Variants in WDR72 observed in about 807,000 individuals in gnomAD.
WDR72 encodes WD repeat domain 72, also known as WD repeat-containing protein 72.
In WDR72, 120 loss-of-function variants were observed where a neutral mutation model predicts 124.2. That is an observed-to-expected ratio of 0.97 (90% CI 0.83 to 1.12). The LOEUF (loss-of-function observed/expected upper bound fraction) is 1.12. WDR72 is among the 50% of genes most tolerant of loss of function. The pLI, the probability that WDR72 is intolerant of heterozygous loss-of-function variation, is 0.00. For missense variants in WDR72, 1,387 were observed against 1,278.8 expected (o/e 1.08, Z -1.29); for synonymous variants, 452 against 441.7 (o/e 1.02, Z -0.29).
intron 14 of WDR72, among the ~76,000 whole-genome samples, chr15:53,618,513 G>C (rs1391674721): frequency 6.6e-6 from 1 of 151,752 alleles, no homozygotes; most frequent in African/African-American, 2.4e-5. Context: ...TTTTGACTTT[G>C]GTTATCCTCT....
chr15:53,692,474 ATT>A (rs1372551810), intron 13 of WDR72, among the ~76,000 whole-genome samples: 1 of 152,172 alleles, frequency 6.6e-6, no homozygotes, highest in African/African-American at 2.4e-5. Flanking sequence ...CCTCGCTGCC[ATT>A]AAGAGATGGT....
chr15:53,681,217 G>T (rs78602051), intron 13 of WDR72, among the ~76,000 whole-genome samples: 2 of 152,150 alleles, frequency 1.3e-5, no homozygotes, highest in Admixed American at 6.5e-5. Flanking sequence ...TGAGTCTTGC[G>T]TTTCCAATTG....
intron 2 of WDR72, among the ~76,000 whole-genome samples, chr15:53,726,224 A>ATATATATATATGTATGTGTG (rs1335537612): frequency 3.9e-4 from 55 of 140,658 alleles, no homozygotes; most frequent in Non-Finnish European, 7.7e-4. Context: ...GTATGTGTAT[A>ATATATATATATGTATGTGTG]TATATATATA....
chr15:53,745,048 G>A (rs1046741400), intron 1 of WDR72, among the ~76,000 whole-genome samples: 28 of 124,812 alleles, frequency 2.2e-4, no homozygotes, highest in African/African-American at 7.5e-4. Flanking sequence ...AAAAAAAAAA[G>A]GGCAAGAAAA....
chr15:53,736,341 C>A (rs2018353137), intron 1 of WDR72, among the ~76,000 whole-genome samples: 1 of 152,034 alleles, frequency 6.6e-6, no homozygotes, highest in African/African-American at 2.4e-5. Flanking sequence ...AATGTGGGGG[C>A]AGCTGCATGT....
rs751015551 is a variant in WDR72 at position 53,699,859 on chromosome 15, A to G, written c.1656T>C (p.His552=). Residue 552 remains histidine, a synonymous_variant, in exon 13 of 20, where the codon CAT becomes CAC. Transcript: ENST00000360509. ...LHLEGKSCLL[H]ARKHLFPVRM... ...TCACAGGAAAAAGGTGCTTCCGGGCATGCAGGAGGCAACTCTTTCCCTCAA... is the reference window on the plus strand; with the variant it reads ...TCACAGGAAAAAGGTGCTTCCGGGCGTGCAGGAGGCAACTCTTTCCCTCAA... 8.1e-6 allele frequency: 13 copies of G among 1,614,082 alleles called. No homozygotes were observed. In the East Asian group the frequency reaches 1.6e-4, roughly 19 times the overall value.
At chr15:53,610,943 G>A (rs2013514847) in intron 16 of WDR72, among the ~76,000 whole-genome samples, 1 of 152,130 alleles carries the variant, frequency 6.6e-6, no homozygotes, top group Non-Finnish European at 1.5e-5. Context: ...TAGCATCATG[G>A]GGTACTTCAC....
At chr15:53,734,379 C>CA (rs1266092418) in intron 1 of WDR72, among the ~76,000 whole-genome samples, 2 of 152,158 alleles carry the variant, frequency 1.3e-5, no homozygotes, top group East Asian at 3.9e-4. Context: ...CTGAGCATTG[C>CA]AATTCTGAAT....
intron 14 of WDR72, among the ~76,000 whole-genome samples, chr15:53,649,595 C>T (rs904614163): frequency 2.0e-5 from 3 of 151,768 alleles, no homozygotes; most frequent in African/African-American, 7.3e-5. Context: ...TAGCAAAAAA[C>T]CCTAATAATA....
rs66633900 is a variant in WDR72, at chr15:53,589,274, A to ACACGAATTTCAGTTTGTATT, written c.3148+7785_3148+7804dup. Among the ~76,000 whole-genome samples the ACACGAATTTCAGTTTGTATT allele has an allele frequency of 4.0e-5, 6 of 151,574 alleles. No individual in the cohort carries two copies. The South Asian group carries it at 6.2e-4, about 16-fold the overall frequency. ...GTCCTAGGATGGTGACTCTCAGATA[A>ACACGAATTTCAGTTTGTATT]CACGAATTTCAGTTTGTATTCACGA... On this transcript the variant is annotated intron_variant, in intron 18 of 19. Transcript: ENST00000360509.
chr15:53,663,477 A>G (rs2015676151), intron 14 of WDR72, among the ~76,000 whole-genome samples: 1 of 152,220 alleles, frequency 6.6e-6, no homozygotes, highest in Admixed American at 6.5e-5. Context: ...AAAATTATAT[A>G]AAGAAAATGA....
At chr15:53,609,933 G>A (rs901292787) in intron 16 of WDR72, among the ~76,000 whole-genome samples, 10 of 151,800 alleles carry the variant, frequency 6.6e-5, no homozygotes, top group African/African-American at 1.5e-4. Flanking sequence ...CATTTTTACA[G>A]CTTCAACACA....
intron 17 of WDR72, among the ~76,000 whole-genome samples, chr15:53,598,952 C>A (rs561721474): frequency 6.6e-6 from 1 of 152,038 alleles, no homozygotes; most frequent in East Asian, 1.9e-4. Context: ...GGTGAAACCC[C>A]GTCTGTACAA....
intron 18 of WDR72, among the ~76,000 whole-genome samples, chr15:53,525,049 G>C (rs2140216398): frequency 6.6e-6 from 1 of 152,124 alleles, no homozygotes; most frequent in East Asian, 1.9e-4. Flanking sequence ...TGGTGATGTG[G>C]GTTAGTTTGT....
chr15:53,719,025 G>A (rs2017797456), intron 3 of WDR72, among the ~76,000 whole-genome samples: 1 of 151,882 alleles, frequency 6.6e-6, no homozygotes, highest in Admixed American at 6.6e-5. Context: ...ATAAAAATTT[G>A]TTCCATGGAT....
intron 18 of WDR72, among the ~76,000 whole-genome samples, chr15:53,591,946 G>A (rs1396387180): frequency 6.6e-6 from 1 of 151,934 alleles, no homozygotes; most frequent in Non-Finnish European, 1.5e-5. Flanking sequence ...AACACACCAA[G>A]GATGCCTTTT....
rs1188346561 is a variant in WDR72, at chr15:53,710,895, G to C, written c.916C>G (p.Pro306Ala). Residue 306 changes from proline (P) to alanine (A), a missense_variant, in exon 9 of 20, where the codon CCT (proline) becomes GCT (alanine). Coordinates refer to ENST00000360509, the MANE Select transcript of WDR72 (RefSeq NM_182758.4). ...DGRVLKETIY[P>A]HLLCSTSVQE... ...ACAGAAGTAGAGCACAGTAAATGAG[G>C]ATAAATGGTCTCTTTAAGCACTCTT... 1 of 1,613,738 alleles carries C rather than the reference G, an allele frequency of 6.2e-7. No individual in the cohort carries two copies. The highest frequency in any genetic ancestry group is 2.2e-5 in the East Asian group (1 of 44,874).
intron 18 of WDR72, among the ~76,000 whole-genome samples, chr15:53,578,175 G>C (rs1200381670): frequency 6.6e-6 from 1 of 152,122 alleles, no homozygotes; most frequent in Non-Finnish European, 1.5e-5. Context: ...AGATATAATA[G>C]TGAGCAAGTT....
intron 8 of WDR72, 144 bp from the exon 9 acceptor site, chr15:53,711,097 G>A: frequency 1.1e-6 from 1 of 902,040 alleles, no homozygotes; most frequent in Non-Finnish European, 1.7e-6. Context: ...AATTACAAGT[G>A]ACTTTTTGAA....
Sources: gnomAD v4.1 joint callset for allele counts (sites outside exome capture counted in the v4.1 genomes callset) on GRCh38, gnomAD v4.1.1 for gene constraint, MANE v1.5 for transcripts, NCBI Gene and HGNC (gene_info 2026-07-23, HGNC 2026-07-21) for gene names.